Variants in METAP2 observed in about 807,000 individuals in gnomAD.
The protein encoded by METAP2 is methionine aminopeptidase 2.
Under a neutral mutation model 59.4 loss-of-function variants are expected in METAP2, and 25 were observed. The observed-to-expected ratio is 0.42, with a 90% confidence interval of 0.31 to 0.59. The LOEUF (loss-of-function observed/expected upper bound fraction) is 0.59, where lower values mean the gene tolerates loss of function less well. Ranked by LOEUF, METAP2 falls within the 20% of genes least tolerant of loss-of-function variation. The pLI is 0.16. For synonymous variants in METAP2, 214 were observed against 194.1 expected, an observed-to-expected ratio of 1.10 and a Z score of -0.85; for missense variants, 366 against 581.2, an observed-to-expected ratio of 0.63 and a Z score of 3.81.
intron 4 of METAP2, among the ~76,000 whole-genome samples, chr12:95,492,947 G>T (rs1179097674): frequency 6.6e-6 from 1 of 152,100 alleles, no homozygotes; most frequent in Admixed American, 6.6e-5. Context: ...ATAAATGAGT[G>T]GGCACATGTT....
intron 7 of METAP2, among the ~76,000 whole-genome samples, chr12:95,501,770 A>G (rs2076317727): frequency 6.6e-6 from 1 of 151,980 alleles, no homozygotes; most frequent in South Asian, 2.1e-4. Flanking sequence ...TGGAAAACAA[A>G]TAGTGTTTGC....
chr12:95,510,421 TC>T (rs1483499723), intron 8 of METAP2, among the ~76,000 whole-genome samples: 7 of 152,150 alleles, frequency 4.6e-5, no homozygotes, highest in Non-Finnish European at 1.0e-4. Flanking sequence ...TGCTGCATCA[TC>T]CTATGGCATT....
At chr12:95,479,423 T>C (rs960731065) in intron 2 of METAP2, among the ~76,000 whole-genome samples, 7 of 151,950 alleles carry the variant, frequency 4.6e-5, no homozygotes, top group Admixed American at 1.3e-4. Flanking sequence ...CAGTTAGACA[T>C]TGGGGGAGAG....
At chr12:95,505,947 A>C (rs2076355742) in intron 8 of METAP2, among the ~76,000 whole-genome samples, 1 of 151,818 alleles carries the variant, frequency 6.6e-6, no homozygotes, top group African/African-American at 2.4e-5. Context: ...ACAAAAAAAA[A>C]ATAGCCAGGC....
At chr12:95,499,647 T>A (rs1204714813) in intron 7 of METAP2, among the ~76,000 whole-genome samples, 1 of 151,802 alleles carries the variant, frequency 6.6e-6, no homozygotes, top group Non-Finnish European at 1.5e-5. Flanking sequence ...TCAGATGGTA[T>A]TGACATTTTA....
chr12:95,483,769 A>C (rs1043896500), intron 3 of METAP2, among the ~76,000 whole-genome samples: 1 of 152,144 alleles, frequency 6.6e-6, no homozygotes, highest in African/African-American at 2.4e-5. Context: ...TTAAAGAATA[A>C]TTCTGTCAAG....
chr12:95,480,054 C>T (rs1318060450), intron 2 of METAP2, among the ~76,000 whole-genome samples: 2 of 152,184 alleles, frequency 1.3e-5, no homozygotes, highest in East Asian at 1.9e-4. Flanking sequence ...GTAGTTGGTT[C>T]TCTTGCACTA....
At chr12:95,509,371 A>G (rs1359496091) in intron 8 of METAP2, among the ~76,000 whole-genome samples, 3 of 152,246 alleles carry the variant, frequency 2.0e-5, no homozygotes, top group South Asian at 2.1e-4. Flanking sequence ...AAACTTGTGC[A>G]TATTCAGGGA....
rs764203985 is a variant in METAP2 at position 95,496,056 on chromosome 12, G to A, written c.825G>A (p.Thr275=). The A allele has an allele frequency of 3.7e-5, 59 of 1,598,774 alleles. No homozygotes were observed. In the Middle Eastern group the frequency reaches 5.0e-4, roughly 13 times the overall value. Residue 275 remains threonine, a synonymous_variant, in exon 7 of 11, where the codon ACG becomes ACA. Coordinates refer to ENST00000323666, the MANE Select transcript of METAP2 (RefSeq NM_006838.4). ...FTVTFNPKYD[T]LLKAVKDATN... is the part of the protein sequence containing the mutation. Reference sequence around the variant, plus strand: ...TCACTTTTAATCCCAAATATGATACGTTATTAAAAGCTGTAAAAGATGCTA... The same window carrying A: ...TCACTTTTAATCCCAAATATGATACATTATTAAAAGCTGTAAAAGATGCTA...
intron 3 of METAP2, 52 bp downstream of exon 3, chr12:95,483,332 C>A (rs751267293): frequency 1.4e-6 from 2 of 1,438,916 alleles, no homozygotes; most frequent in Admixed American, 1.8e-5. Flanking sequence ...TTTATTCTGT[C>A]GGGTGTGGTG....
At chr12:95,493,881 A>G (rs1021406492) in intron 4 of METAP2, among the ~76,000 whole-genome samples, 175 bp from the exon 5 acceptor site, 1 of 152,086 alleles carries the variant, frequency 6.6e-6, no homozygotes, top group African/African-American at 2.4e-5. Context: ...AAAGTTTTTA[A>G]TTTCATTTGA....
At chr12:95,479,660 G>A (rs2076144903) in intron 2 of METAP2, among the ~76,000 whole-genome samples, 1 of 150,306 alleles carries the variant, frequency 6.7e-6, no homozygotes, top group South Asian at 2.1e-4. Flanking sequence ...CCAGGCTGCA[G>A]TGCAGTGGCA....
chr12:95,488,988 C>T (rs1334483856), intron 4 of METAP2, among the ~76,000 whole-genome samples: 1 of 151,956 alleles, frequency 6.6e-6, no homozygotes, highest in African/African-American at 2.4e-5. Context: ...TTGTCTTATC[C>T]AATGTCATGG....
intron 2 of METAP2, among the ~76,000 whole-genome samples, chr12:95,477,260 A>C (rs978233715): frequency 6.6e-6 from 1 of 151,802 alleles, no homozygotes; most frequent in Non-Finnish European, 1.5e-5. Context: ...ACCATGCCCA[A>C]CTAATTTTTT....
intron 8 of METAP2, among the ~76,000 whole-genome samples, chr12:95,510,955 G>T (rs2076397430): frequency 6.6e-6 from 1 of 151,988 alleles, no homozygotes. Flanking sequence ...TAAAACAACT[G>T]GAATAAAAAA....
chr12:95,496,868 A>G (rs2076279443), intron 7 of METAP2, among the ~76,000 whole-genome samples: 1 of 121,462 alleles, frequency 8.2e-6, no homozygotes, highest in African/African-American at 3.3e-5. Context: ...TCTGTTGCCC[A>G]GGCTGGAGTG....
At chr12:95,477,264 AT>A (rs1031127758) in intron 2 of METAP2, among the ~76,000 whole-genome samples, 1 of 151,724 alleles carries the variant, frequency 6.6e-6, no homozygotes, top group African/African-American at 2.4e-5. Context: ...TGCCCAACTA[AT>A]TTTTTTGTAT....
At chr12:95,505,519 T>C (rs900901324) in intron 8 of METAP2, among the ~76,000 whole-genome samples, 19 of 151,896 alleles carry the variant, frequency 1.3e-4, no homozygotes, top group Admixed American at 6.6e-5. Context: ...GGAGTCTTGC[T>C]CTGTCACCCA....
At chr12:95,502,461 C>A (rs1173721023) in intron 7 of METAP2, among the ~76,000 whole-genome samples, 1 of 152,104 alleles carries the variant, frequency 6.6e-6, no homozygotes, top group African/African-American at 2.4e-5. Context: ...AATTGAGCAT[C>A]CCTTTTATAT....
Sources: allele counts gnomAD v4.1 joint callset (sites outside exome capture counted in the v4.1 genomes callset), GRCh38; gene constraint gnomAD v4.1.1; transcripts MANE v1.5; gene names NCBI Gene and HGNC (gene_info 2026-07-23, HGNC 2026-07-21).